The following ATP2C1 variants were observed in gnomAD, a reference collection of about 807,000 sequenced individuals.
ATP2C1 encodes the protein calcium-transporting ATPase type 2C member 1.
ATP2C1 carries 31 observed loss-of-function variants against 120.5 expected under a neutral mutation model. The observed-to-expected ratio is 0.26, with a 90% CI of 0.19 to 0.35. The LOEUF (loss-of-function observed/expected upper bound fraction) is 0.35. Among genes scored for constraint, ATP2C1 ranks in the 10% least tolerant of loss-of-function variants. The probability of loss-of-function intolerance (pLI) is 1.00; values close to 1 mark genes in which losing one functional copy is unlikely to be tolerated. For missense variants in ATP2C1, 731 were observed against 1,107.5 expected, an observed-to-expected ratio of 0.66 and a Z score of 4.83; for synonymous variants, 351 against 358.7, an observed-to-expected ratio of 0.98 and a Z score of 0.24.
At chr3:130,913,414 A>G (rs2108150678) in intron 2 of ATP2C1, among the ~76,000 whole-genome samples, 1 of 152,308 alleles carries the variant, frequency 6.6e-6, no homozygotes, top group East Asian at 1.9e-4. Context: ...TGGCATACCT[A>G]GTGGTACTGA....
chr3:130,876,247 T>C (rs1027262735), intron 1 of ATP2C1, among the ~76,000 whole-genome samples: 2 of 152,110 alleles, frequency 1.3e-5, no homozygotes, highest in African/African-American at 4.8e-5. Context: ...CTAGTAGTTT[T>C]AGGGCTTTGT....
upstream of ATP2C1, chr3:130,894,052 AG>A: frequency 1.0e-6 from 1 of 985,836 alleles, no homozygotes; most frequent in Non-Finnish European, 1.2e-6. This position sits in a 1 kb window ranked among gnomAD's most constrained non-coding sequence, Gnocchi z 4.5. Context: ...GGCGGCGGGG[AG>A]GGGCGGAGCG....
chr3:130,930,579 G>C, intron 3 of ATP2C1, 53 bp downstream of exon 3: 1 of 1,140,442 alleles, frequency 8.8e-7, no homozygotes, highest in Non-Finnish European at 1.3e-6. Flanking sequence ...CAGTCACTTA[G>C]ACTCTATAAA....
At chr3:130,968,575 G>C (rs2061154785) in intron 16 of ATP2C1, among the ~76,000 whole-genome samples, 1 of 152,150 alleles carries the variant, frequency 6.6e-6, no homozygotes, top group South Asian at 2.1e-4. Flanking sequence ...TGGCTAATGA[G>C]TTGGCCAAAC....
intron 6 of ATP2C1, among the ~76,000 whole-genome samples, chr3:130,938,110 A>AG (rs1304651487): frequency 6.6e-6 from 1 of 152,244 alleles, no homozygotes; most frequent in Non-Finnish European, 1.5e-5. Flanking sequence ...TCTGAATCAA[A>AG]GTAATTCAAA....
At chr3:130,963,907 A>G in intron 12 of ATP2C1, 64 bp from the exon 13 acceptor site, 2 of 1,604,640 alleles carry the variant, frequency 1.2e-6, no homozygotes, top group Non-Finnish European at 8.5e-7. Flanking sequence ...GTAACATCCA[A>G]TTTAAATTTT....
intron 16 of ATP2C1, 146 bp downstream of exon 16, chr3:130,967,565 TC>T: frequency 2.9e-6 from 2 of 697,174 alleles, no homozygotes; most frequent in South Asian, 3.5e-5. Context: ...CTTTTAGGTA[TC>T]AGTTTTATTC....
chr3:130,945,901 GTT>G (rs758908944), intron 8 of ATP2C1, among the ~76,000 whole-genome samples: 10 of 130,774 alleles, frequency 7.6e-5, no homozygotes, highest in Non-Finnish European at 1.5e-4. Flanking sequence ...AAGGTTGTGG[GTT>G]TTTTTTTTTT....
At chr3:130,934,503 G>A (rs2059581877) in intron 4 of ATP2C1, 119 bp from the exon 5 acceptor site, 1 of 685,680 alleles carries the variant, frequency 1.5e-6, no homozygotes, top group South Asian at 1.7e-5. Flanking sequence ...AAAATAAACT[G>A]AGTATAGACT....
At chr3:130,895,350 C>T (rs643417) in intron 2 of ATP2C1, among the ~76,000 whole-genome samples, 137,616 of 152,290 alleles carry the variant, frequency 0.9, 62,492 homozygotes, top group Non-Finnish European at 0.96. Context: ...ATTTAGGAGG[C>T]TGACAGCGGA....
At chr3:130,879,128 TTACTGC>T (rs1363833703) in intron 1 of ATP2C1, among the ~76,000 whole-genome samples, 1 of 152,186 alleles carries the variant, frequency 6.6e-6, no homozygotes, top group Non-Finnish European at 1.5e-5. Flanking sequence ...CAATCTTGGC[TTACTGC>T]TACCTCTGCC....
intron 12 of ATP2C1, among the ~76,000 whole-genome samples, chr3:130,960,217 C>A (rs1246233989): frequency 6.6e-6 from 1 of 152,148 alleles, no homozygotes; most frequent in East Asian, 1.9e-4. Context: ...TCTAAACATT[C>A]CAACTCACAA....
At chr3:130,902,965 G>A (rs1357522270) in intron 2 of ATP2C1, among the ~76,000 whole-genome samples, 1 of 151,838 alleles carries the variant, frequency 6.6e-6, no homozygotes, top group Non-Finnish European at 1.5e-5. Flanking sequence ...GTACATAGTT[G>A]TGTGGCATTC....
chr3:130,887,261 G>C (rs2069003592), intron 1 of ATP2C1, among the ~76,000 whole-genome samples: 1 of 152,214 alleles, frequency 6.6e-6, no homozygotes, highest in South Asian at 2.1e-4. Context: ...TACTGGGACT[G>C]TGCTGGGTCA....
In ATP2C1 at chr3:130,994,094, A is replaced by G. The variant is rs536730661; in HGVS notation, c.2053A>G (p.Ile685Val). 10 of 1,614,020 alleles carry G rather than the reference A, an allele frequency of 6.2e-6. No homozygotes were observed. The African/African-American group carries it at 8.0e-5, about 13-fold the overall frequency. The part of the protein sequence containing the change: ...MILVDDDFQT[I>V]MSAIEEGKGI... ...CCTAGTGGATGATGATTTTCAAACC[A>G]TAATGTAAGCTTTGTTTCAGTGAAT... Residue 685 changes from isoleucine to valine, a missense_variant, in exon 22 of 28, where the codon ATA (isoleucine) becomes GTA (valine). Ile to Val is a conservative substitution (Grantham distance 29, BLOSUM62 3). Coordinates refer to ENST00000510168, the MANE Select transcript of ATP2C1 (RefSeq NM_001378687.1).
In ATP2C1 at chr3:130,979,333, T is replaced by C; in HGVS notation, c.1655T>C (p.Val552Ala). The C allele has an allele frequency of 1.2e-6, 2 of 1,613,734 alleles. No individual in the cohort carries two copies. Among genetic ancestry groups the C allele is most frequent in the Non-Finnish European group, 1.7e-6 (2 of 1,179,756 alleles). ...VGIIDPPRTGVKEAVTTLIAS... is the reference protein window; with the variant it reads ...VGIIDPPRTGAKEAVTTLIAS... ...ATCATTGATCCACCTAGAACTGGTG[T>C]GAAAGAAGCTGTTACAACACTCATT... The change falls in exon 19 of 28, where the codon GTG becomes GCG. Residue 552 changes from valine to alanine, a missense_variant. Physicochemically the swap from Val to Ala is moderately conservative, Grantham distance 64. Around this residue, in one of 3 missense-constraint regions of ATP2C1, gnomAD observed 571 missense variants for 845.9 expected, o/e 0.67. Coordinates refer to ENST00000510168, the MANE Select transcript of ATP2C1 (RefSeq NM_001378687.1).
intron 26 of ATP2C1, among the ~76,000 whole-genome samples, chr3:131,010,761 A>G (rs777919857): frequency 1.1e-4 from 17 of 152,092 alleles, no homozygotes; most frequent in Non-Finnish European, 1.6e-4. Context: ...CTTCTTCACC[A>G]TATTTGATAG....
chr3:130,935,389 T>C (rs1002792038), intron 5 of ATP2C1, among the ~76,000 whole-genome samples: 2 of 152,242 alleles, frequency 1.3e-5, no homozygotes, highest in African/African-American at 4.8e-5. Context: ...CTATATATGA[T>C]TTTATTCTTT....
At chr3:131,000,937 T>C (rs1328925451) in intron 27 of ATP2C1, among the ~76,000 whole-genome samples, 1 of 151,804 alleles carries the variant, frequency 6.6e-6, no homozygotes, top group Non-Finnish European at 1.5e-5. Context: ...ACCCCCTCTC[T>C]ACTAAAAATA....
Sources: allele counts gnomAD v4.1 joint callset (sites outside exome capture counted in the v4.1 genomes callset), GRCh38; gene constraint gnomAD v4.1.1; regional missense constraint gnomAD v4.1.1; non-coding constraint Gnocchi (gnomAD v3.1); transcripts MANE v1.5; gene names NCBI Gene and HGNC (gene_info 2026-07-23, HGNC 2026-07-21).